The following DISC1 variants were observed in gnomAD, a reference collection of about 807,000 sequenced individuals.
DISC1 encodes disrupted in schizophrenia 1 protein.
A neutral mutation model predicts 84.5 loss-of-function variants in DISC1; 57 were observed. That is an observed-to-expected ratio of 0.67 (90% CI 0.55 to 0.84). DISC1 has a LOEUF of 0.84. Ranked by LOEUF, DISC1 falls within the 40% of genes least tolerant of loss-of-function variation. The pLI is 0.00. For synonymous variants in DISC1, 411 were observed against 415.2 expected, an observed-to-expected ratio of 0.99 and a Z score of 0.12; for missense variants, 1,000 against 1,057.8, an observed-to-expected ratio of 0.95 and a Z score of 0.76.
intron 12 of DISC1, among the ~76,000 whole-genome samples, 188 bp from the exon 13 acceptor site, chr1:232,036,504 C>T (rs1021822796): frequency 1.3e-5 from 2 of 152,072 alleles, no homozygotes; most frequent in Non-Finnish European, 2.9e-5. Flanking sequence ...GTAGAAATTG[C>T]GGTCATTCTA....
At chr1:231,926,422 T>C (rs1041177305) in intron 9 of DISC1, among the ~76,000 whole-genome samples, 1 of 152,194 alleles carries the variant, frequency 6.6e-6, no homozygotes, top group African/African-American at 2.4e-5. Context: ...TATTGCAACG[T>C]CAGTTATGGC....
chr1:231,917,244 C>G (rs1471978517), intron 9 of DISC1, among the ~76,000 whole-genome samples: 1 of 152,168 alleles, frequency 6.6e-6, no homozygotes. Flanking sequence ...TACCTTTTCC[C>G]TGCGGCATTA....
intron 10 of DISC1, among the ~76,000 whole-genome samples, chr1:231,996,820 T>G (rs2102944178): frequency 6.6e-6 from 1 of 152,292 alleles, no homozygotes; most frequent in Non-Finnish European, 1.5e-5. Context: ...TCTCAAGAAC[T>G]TACCCCCAAA....
Position 231,881,724 on chromosome 1 carries a change from G to A in DISC1, c.1981+63207G>A, listed in dbSNP as rs149978032. Among the ~76,000 whole-genome samples, 435 of 152,112 alleles carry A rather than the reference G, an allele frequency of 2.9e-3. 2 individuals carry two copies. The highest frequency in any genetic ancestry group is 4.3e-3 in the Non-Finnish European group (292 of 68,006). On this transcript the variant is annotated intron_variant, in intron 9 of 12. Transcript: ENST00000439617. Reference sequence around the variant, plus strand: ...GGTGACTCTAACTAGTGCCCATTTCGTGTCTCATTCTGGAAACTATGCCGA... The same window carrying A: ...GGTGACTCTAACTAGTGCCCATTTCATGTCTCATTCTGGAAACTATGCCGA...
Position 231,664,743 on chromosome 1 carries a change from A to G in DISC1, c.68-29083A>G, listed in dbSNP as rs544672271. Among the ~76,000 whole-genome samples, 260 of 152,312 alleles carry G rather than the reference A, an allele frequency of 1.7e-3. 2 individuals carry two copies. Among genetic ancestry groups the G allele is most frequent in the Admixed American group, 3.7e-3 (57 of 15,300 alleles). On this transcript the variant is annotated intron_variant, in intron 1 of 12. Transcript: ENST00000439617. ...TAAATTTATAGTAATTTGTTATGGC[A>G]GCAATAGGAGACTAATACAGTTGAC...
In DISC1 at chr1:231,800,146, G is replaced by C. The variant is rs543441277; in HGVS notation, c.1728G>C (p.Lys576Asn). Residue 576 changes from lysine (K) to asparagine (N), a missense_variant, in exon 8 of 13, where the codon AAG (lysine) becomes AAC (asparagine). By Grantham distance (94) the Lys-to-Asn change is moderately conservative (BLOSUM62 0). Transcript: ENST00000439617. ...MSEKFCSTLR[K>N]KVNDIETQLP... The stretch of plus-strand genomic sequence containing the variant: ...AGAAATTCTGCAGCACCCTGAGGAA[G>C]AAAGTTAACGATATTGAAACCCAAC... 6.2e-7 allele frequency: 1 copy of C among 1,611,772 alleles called. No homozygotes were observed. Among genetic ancestry groups the C allele is most frequent in the African/African-American group, 1.3e-5 (1 of 74,730 alleles).
At chr1:231,734,853 A>G (rs1573377781) in intron 3 of DISC1, among the ~76,000 whole-genome samples, 2 of 152,270 alleles carry the variant, frequency 1.3e-5, no homozygotes, top group African/African-American at 4.8e-5. Flanking sequence ...TCTTCTTTCC[A>G]CACATTGGGC....
rs1668404840 is a variant in DISC1, at chr1:232,015,475, A to AT, written c.2307+6427dup. ...TTTGTAACAGAGGAGGTGTTATCCA[A>AT]TGAATCCTCAGTGGTGTCCTGGGAG... On this transcript the variant is annotated intron_variant, in intron 11 of 12. Coordinates refer to ENST00000439617, the MANE Select transcript of DISC1 (RefSeq NM_018662.3). Among the ~76,000 whole-genome samples the AT allele has an allele frequency of 2.6e-5, 4 of 152,134 alleles. No homozygotes were observed. The South Asian group carries it at 8.3e-4, about 32-fold the overall frequency.
At chr1:231,716,603 A>T (rs1310063318) in intron 3 of DISC1, among the ~76,000 whole-genome samples, 1 of 152,168 alleles carries the variant, frequency 6.6e-6, no homozygotes, top group East Asian at 1.9e-4. Context: ...AAAAATGGAA[A>T]GGGAAGGAGG....
chr1:231,981,505 T>C (rs1181632913), intron 10 of DISC1, among the ~76,000 whole-genome samples: 1 of 152,256 alleles, frequency 6.6e-6, no homozygotes, highest in East Asian at 1.9e-4. Flanking sequence ...GTTTCTCATT[T>C]ATCATTTTCC....
chr1:231,882,087 C>G (rs1307782254), intron 9 of DISC1, among the ~76,000 whole-genome samples: 1 of 152,192 alleles, frequency 6.6e-6, no homozygotes, highest in Non-Finnish European at 1.5e-5. Flanking sequence ...GGACTTGGCT[C>G]TTCTTTCAGG....
intron 10 of DISC1, among the ~76,000 whole-genome samples, chr1:231,987,521 G>T (rs1207617693): frequency 6.6e-6 from 1 of 152,224 alleles, no homozygotes; most frequent in African/African-American, 2.4e-5. Context: ...AACAAAATGA[G>T]TTTATTGACC....
intron 10 of DISC1, among the ~76,000 whole-genome samples, chr1:232,007,576 C>T (rs1248462921): frequency 6.6e-6 from 1 of 152,170 alleles, no homozygotes; most frequent in Non-Finnish European, 1.5e-5. Context: ...ATGCCTGTAC[C>T]CCTAATGTAT....
chr1:231,917,398 A>G (rs1424606922), intron 9 of DISC1, among the ~76,000 whole-genome samples: 2 of 152,262 alleles, frequency 1.3e-5, no homozygotes, highest in Non-Finnish European at 2.9e-5. Flanking sequence ...TTATGCCTTG[A>G]ATAATATGAA....
chr1:231,696,001 T>G (rs111836066), intron 2 of DISC1, among the ~76,000 whole-genome samples: 3 of 152,154 alleles, frequency 2.0e-5, no homozygotes, highest in African/African-American at 4.8e-5. Context: ...TTCCAGTTAG[T>G]CATTGCCTAA....
At chr1:231,809,218 A>G (rs1270361583) in intron 8 of DISC1, among the ~76,000 whole-genome samples, 2 of 152,166 alleles carry the variant, frequency 1.3e-5, no homozygotes, top group South Asian at 2.1e-4. Context: ...CAGCTGTGTC[A>G]TTCCCGTTAC....
chr1:231,987,928 C>T (rs1664678207), intron 10 of DISC1, among the ~76,000 whole-genome samples: 1 of 152,140 alleles, frequency 6.6e-6, no homozygotes, highest in Admixed American at 6.5e-5. Flanking sequence ...GTGGCTTACA[C>T]CTGTAATCCC....
At chr1:231,719,444 T>G (rs1326463982) in intron 3 of DISC1, among the ~76,000 whole-genome samples, 1 of 152,220 alleles carries the variant, frequency 6.6e-6, no homozygotes, top group East Asian at 1.9e-4. Flanking sequence ...TTATAAAGCA[T>G]TAGCGCTTTT....
At chr1:232,008,389 G>A (rs978480649) in intron 10 of DISC1, among the ~76,000 whole-genome samples, 6 of 152,210 alleles carry the variant, frequency 3.9e-5, no homozygotes, top group African/African-American at 7.2e-5. Flanking sequence ...TGAAGGCCTG[G>A]TTATATGTGT....
Sources: allele counts gnomAD v4.1 joint callset (sites outside exome capture counted in the v4.1 genomes callset), GRCh38; gene constraint gnomAD v4.1.1; transcripts MANE v1.5; gene names NCBI Gene and HGNC (gene_info 2026-07-23, HGNC 2026-07-21).